Variants in FGF14 observed in about 807,000 individuals in gnomAD.
The protein encoded by FGF14 is fibroblast growth factor 14, also known as fibroblast growth factor homologous factor 4.
FGF14 carries 5 observed loss-of-function variants against 25.5 expected under a neutral mutation model. The observed-to-expected ratio is 0.20, with a 90% CI of 0.10 to 0.41. The LOEUF is 0.41. FGF14 is among the 10% of genes least tolerant of loss of function. The probability of loss-of-function intolerance (pLI) is 1.00; values close to 1 mark genes in which losing one functional copy is unlikely to be tolerated. For synonymous variants in FGF14, 138 were observed against 118.3 expected, an observed-to-expected ratio of 1.17 and a Z score of -1.08; for missense variants, 222 against 320.1, an observed-to-expected ratio of 0.69 and a Z score of 2.34.
chr13:101,930,580 T>C lies in FGF14; in HGVS notation c.209-55284A>G, dbSNP rs551400549. Reference sequence around the variant, plus strand: ...GGGACTCAGTCAGTTGCAAAGTTTTTTCCATCAACTTTCCTTGGCTACTTG... The same window carrying C: ...GGGACTCAGTCAGTTGCAAAGTTTTCTCCATCAACTTTCCTTGGCTACTTG... On this transcript the variant is annotated intron_variant, in intron 1 of 4. Coordinates refer to the FGF14 transcript ENST00000376131. 1.6e-4 allele frequency among the ~76,000 whole-genome samples: 25 copies of C among 152,348 alleles called. No homozygotes were observed. In the South Asian group the frequency reaches 2.7e-3, roughly 16 times the overall value.
chr13:102,174,749 A>G lies in FGF14; in HGVS notation c.208+226722T>C, dbSNP rs80155960. Among the ~76,000 whole-genome samples the G allele has an allele frequency of 4.4e-3, 667 of 152,198 alleles. 13 individuals carry two copies. Among genetic ancestry groups the G allele is most frequent in the African/African-American group, 0.015 (630 of 41,538 alleles). On this transcript the variant is annotated intron_variant, in intron 1 of 4. Coordinates refer to the FGF14 transcript ENST00000376131. ...AGCACACATGGACATAAATAGGGGA[A>G]CAAAACACACTGTGGACTACTAGAG...
intron 1 of FGF14, among the ~76,000 whole-genome samples, chr13:102,103,106 GGA>G (rs2044737322): frequency 6.6e-6 from 1 of 152,110 alleles, no homozygotes; most frequent in Non-Finnish European, 1.5e-5. Flanking sequence ...ATTTGCTGAG[GGA>G]GAGAGAGAAA....
intron 1 of FGF14, among the ~76,000 whole-genome samples, chr13:102,237,698 T>C (rs1362431320): frequency 1.3e-5 from 2 of 152,154 alleles, no homozygotes; most frequent in Non-Finnish European, 2.9e-5. Context: ...TCTAAAAAAC[T>C]GTCTTCAGCC....
intron 1 of FGF14, among the ~76,000 whole-genome samples, chr13:102,334,519 T>G (rs2056732940): frequency 6.6e-6 from 1 of 152,124 alleles, no homozygotes; most frequent in Non-Finnish European, 1.5e-5. Flanking sequence ...GTAGCTCTAC[T>G]CAGTGAAATA....
chr13:101,902,898 T>C (rs1453314820), intron 1 of FGF14, among the ~76,000 whole-genome samples: 6 of 152,308 alleles, frequency 3.9e-5, no homozygotes, highest in East Asian at 1.9e-4. Context: ...ATGCAACTTA[T>C]TAAAATTGAG....
chr13:102,278,833 C>T (rs182377021), intron 1 of FGF14, among the ~76,000 whole-genome samples: 54 of 152,066 alleles, frequency 3.6e-4, no homozygotes, highest in East Asian at 1.9e-4. Flanking sequence ...TACCATCTGC[C>T]GAGGGTGCAA....
intron 1 of FGF14, among the ~76,000 whole-genome samples, chr13:102,267,644 T>C (rs1259796556): frequency 6.6e-6 from 1 of 152,114 alleles, no homozygotes; most frequent in Non-Finnish European, 1.5e-5. Flanking sequence ...AAATAATGTG[T>C]TCTCTATAAA....
chr13:101,878,077 G>A (rs1305059531), intron 1 of FGF14, among the ~76,000 whole-genome samples: 3 of 151,956 alleles, frequency 2.0e-5, no homozygotes, highest in African/African-American at 7.3e-5. Flanking sequence ...GCACCTTACC[G>A]CAGTAAGGCC....
At chr13:101,910,167 A>T (rs755413974) in intron 1 of FGF14, among the ~76,000 whole-genome samples, 1 of 152,134 alleles carries the variant, frequency 6.6e-6, no homozygotes, top group Non-Finnish European at 1.5e-5. Context: ...TGGGTGCAGC[A>T]CACCAACACG....
At chr13:101,793,009 T>C (rs1185740975) in intron 3 of FGF14, among the ~76,000 whole-genome samples, 1 of 152,100 alleles carries the variant, frequency 6.6e-6, no homozygotes, top group African/African-American at 2.4e-5. Flanking sequence ...GACATTTTCT[T>C]GCAACAAAAA....
At chr13:101,961,088 C>T (rs1738889140) in intron 1 of FGF14, among the ~76,000 whole-genome samples, 1 of 151,978 alleles carries the variant, frequency 6.6e-6, no homozygotes, top group Admixed American at 6.6e-5. Flanking sequence ...GGATATTAGA[C>T]TTTTGTCAGG....
At chr13:102,380,697 CAAG>C (rs2058163262) in intron 1 of FGF14, among the ~76,000 whole-genome samples, 2 of 152,122 alleles carry the variant, frequency 1.3e-5, no homozygotes, top group South Asian at 4.1e-4. Flanking sequence ...AATTTAAATA[CAAG>C]AAGTGTAATT....
intron 1 of FGF14, among the ~76,000 whole-genome samples, chr13:102,111,113 A>C (rs1215293413): frequency 7.2e-5 from 11 of 152,086 alleles, no homozygotes; most frequent in Non-Finnish European, 2.9e-5. Flanking sequence ...CCTCACTGTC[A>C]GTCAGGCCTT....
intron 1 of FGF14, among the ~76,000 whole-genome samples, chr13:102,191,403 TG>T (rs959066555): frequency 2.0e-5 from 3 of 152,214 alleles, no homozygotes; most frequent in African/African-American, 7.2e-5. Flanking sequence ...GTGAAGTTTT[TG>T]TAAAGCCTCT....
intron 1 of FGF14, among the ~76,000 whole-genome samples, chr13:102,058,973 G>A (rs557279061): frequency 6.6e-6 from 1 of 151,214 alleles, no homozygotes; most frequent in South Asian, 2.1e-4. Flanking sequence ...AGAGATTTAT[G>A]AAAAAAGATG....
chr13:102,217,553 C>T (rs1200442368), intron 1 of FGF14, among the ~76,000 whole-genome samples: 1 of 152,142 alleles, frequency 6.6e-6, no homozygotes, highest in African/African-American at 2.4e-5. Flanking sequence ...ATGCTCAAGA[C>T]ATTACATTTC....
chr13:102,162,134 G>A (rs1315573094), intron 1 of FGF14, among the ~76,000 whole-genome samples: 1 of 152,146 alleles, frequency 6.6e-6, no homozygotes. Context: ...ACAAGTTTCT[G>A]AAACTTGCAG....
At chr13:101,922,866 A>C (rs1162303759) in intron 1 of FGF14, among the ~76,000 whole-genome samples, 1 of 151,970 alleles carries the variant, frequency 6.6e-6, no homozygotes, top group African/African-American at 2.4e-5. Context: ...AATGAACAAA[A>C]AAATCCAAAA....
intron 3 of FGF14, among the ~76,000 whole-genome samples, chr13:101,768,797 C>A (rs753885042): frequency 6.6e-6 from 1 of 152,158 alleles, no homozygotes; most frequent in Non-Finnish European, 1.5e-5. Flanking sequence ...ATAGATCATA[C>A]GTCCTTCATA....
Sources: allele counts gnomAD v4.1 joint callset (sites outside exome capture counted in the v4.1 genomes callset), GRCh38; gene constraint gnomAD v4.1.1; transcripts MANE v1.5; gene names NCBI Gene and HGNC (gene_info 2026-07-23, HGNC 2026-07-21).